Variants in GALNT18 observed in about 807,000 individuals in gnomAD.
GALNT18 encodes GalNAc-transferase 18.
A neutral mutation model predicts 69.5 loss-of-function variants in GALNT18; 44 were observed. That is an observed-to-expected ratio of 0.63 (90% CI 0.50 to 0.81). GALNT18 has a LOEUF of 0.81. Among genes scored for constraint, GALNT18 ranks in the 40% least tolerant of loss-of-function variants. The pLI is 0.00. For synonymous variants in GALNT18, 364 were observed against 318.2 expected, an observed-to-expected ratio of 1.14 and a Z score of -1.53; for missense variants, 715 against 810.0, an observed-to-expected ratio of 0.88 and a Z score of 1.42.
In GALNT18 at chr11:11,587,364, G is replaced by A. The variant is rs927032371; in HGVS notation, c.235+33995C>T. 1.3e-5 allele frequency among the ~76,000 whole-genome samples: 2 copies of A among 152,162 alleles called. No homozygotes were observed. The highest frequency in any genetic ancestry group is 2.4e-5 in the African/African-American group (1 of 41,446). On this transcript the variant is annotated intron_variant, in intron 1 of 10. Transcript: ENST00000227756. This position sits in a 1 kb window ranked among gnomAD's most constrained non-coding sequence, Gnocchi z 4.4. ...AATGCCATGATTCCCATGTCAGTAC[G>A]CCACGTATGCTGACCCCATCAGCAA...
rs1472358686 is a variant in GALNT18 at position 11,586,819 on chromosome 11, C to T, written c.235+34540G>A. 2.7e-5 allele frequency among the ~76,000 whole-genome samples: 2 copies of T among 73,262 alleles called. No individual in the cohort carries two copies. Among genetic ancestry groups the T allele is most frequent in the African/African-American group, 3.4e-5 (1 of 29,024 alleles). The allele number at this position is 73,262 out of a possible 152,430, so 48.1% of individuals were successfully genotyped here. On this transcript the variant is annotated intron_variant, in intron 1 of 10. Coordinates refer to ENST00000227756, the MANE Select transcript of GALNT18 (RefSeq NM_198516.3). This position sits in a 1 kb window ranked among gnomAD's most constrained non-coding sequence, Gnocchi z 4.1. ...TTAAACACCATCTCTACTAAAAACACACACACACACACACAAAAAAAAGCC... is the reference window on the plus strand; with the variant it reads ...TTAAACACCATCTCTACTAAAAACATACACACACACACACAAAAAAAAGCC...
At chr11:11,329,710 G>T (rs1322174944) in intron 8 of GALNT18, among the ~76,000 whole-genome samples, 1 of 152,146 alleles carries the variant, frequency 6.6e-6, no homozygotes, top group Non-Finnish European at 1.5e-5. Flanking sequence ...TACAGGCCAG[G>T]CACAAAGGAG....
chr11:11,348,980 C>T (rs1162345214), intron 6 of GALNT18, among the ~76,000 whole-genome samples: 1 of 152,168 alleles, frequency 6.6e-6, no homozygotes, highest in African/African-American at 2.4e-5. Flanking sequence ...TTAGAAACCT[C>T]TGAGTGCTTT....
At chr11:11,518,919 G>A (rs1265068336) in intron 1 of GALNT18, among the ~76,000 whole-genome samples, 2 of 152,208 alleles carry the variant, frequency 1.3e-5, no homozygotes, top group Non-Finnish European at 2.9e-5. Flanking sequence ...AGCACTGCCA[G>A]GCTTCTTCTG....
At chr11:11,381,265 T>C (rs1853911016) in intron 3 of GALNT18, among the ~76,000 whole-genome samples, 1 of 152,170 alleles carries the variant, frequency 6.6e-6, no homozygotes, top group Non-Finnish European at 1.5e-5. Flanking sequence ...TAAATAGAGC[T>C]CATAAAGTCT....
intron 1 of GALNT18, among the ~76,000 whole-genome samples, chr11:11,474,835 A>G (rs1283276437): frequency 6.6e-6 from 1 of 152,238 alleles, no homozygotes; most frequent in African/African-American, 2.4e-5. Flanking sequence ...GAGATAACAT[A>G]TATGTATACA....
At position 11,337,961 on chromosome 11, in the gene GALNT18, A is replaced by ATTTT. The variant is rs11351706; in HGVS notation, c.1278+2854_1278+2857dup. On this transcript the variant is annotated intron_variant, in intron 7 of 10. Coordinates refer to ENST00000227756, the MANE Select transcript of GALNT18 (RefSeq NM_198516.3). The surrounding 1 kb of genome is among the most constrained non-coding windows in gnomAD (Gnocchi z 4.9). Reference sequence around the variant, plus strand: ...TGTACATAGCAGGAGTCATTTAAAGATTTTTTTTTTTTTTTTTTTTTTGAG... The same window carrying ATTTT: ...TGTACATAGCAGGAGTCATTTAAAGATTTTTTTTTTTTTTTTTTTTTTTTTTGAG... Among the ~76,000 whole-genome samples, 492 of 118,794 alleles carry ATTTT rather than the reference A, an allele frequency of 4.1e-3. 4 individuals carry two copies. Among genetic ancestry groups the ATTTT allele is most frequent in the African/African-American group, 0.015 (454 of 30,490 alleles). 77.9% of individuals were successfully genotyped at this position (118,794 alleles called of 152,430 possible). A position where few individuals can be genotyped will look rare whatever the true frequency, so the allele number is the denominator to read the frequency against.
chr11:11,519,592 C>T (rs1857351229), intron 1 of GALNT18, among the ~76,000 whole-genome samples: 1 of 152,200 alleles, frequency 6.6e-6, no homozygotes, highest in Admixed American at 6.5e-5. Flanking sequence ...CCATATGGGC[C>T]AGCCAGGGAA....
intron 3 of GALNT18, among the ~76,000 whole-genome samples, chr11:11,425,703 G>C (rs1855113090): frequency 6.6e-6 from 1 of 152,126 alleles, no homozygotes; most frequent in Non-Finnish European, 1.5e-5. Flanking sequence ...GAACCTGAAA[G>C]AGTTCACGTT....
At chr11:11,297,343 G>C (rs141639235) in intron 9 of GALNT18, among the ~76,000 whole-genome samples, 1 of 152,330 alleles carries the variant, frequency 6.6e-6, no homozygotes, top group African/African-American at 2.4e-5. Flanking sequence ...AATAACTCAT[G>C]AGGCAGGTAC....
chr11:11,340,841 A>G lies in GALNT18; in HGVS notation c.1256T>C (p.Met419Thr). Residue 419 changes from methionine to threonine, a missense_variant, in exon 7 of 11, where the codon ATG (methionine) becomes ACG (threonine). By Grantham distance (81) the Met-to-Thr change is moderately conservative. Transcript: ENST00000227756. This position sits in a 1 kb window ranked among gnomAD's most constrained non-coding sequence, Gnocchi z 4.2. ...TACCTCCTGCGGTATGTTCCATGCC[A>G]TGTAGACGTGGCTTTTAAATTCATC... The part of the protein sequence containing the change: ...WMDEFKSHVY[M>T]AWNIPQEDSG... 1 of 1,613,620 alleles carries G rather than the reference A, an allele frequency of 6.2e-7. No homozygotes were observed. The highest frequency in any genetic ancestry group is 1.1e-5 in the South Asian group (1 of 90,938).
At chr11:11,390,596 T>C (rs946379363) in intron 3 of GALNT18, among the ~76,000 whole-genome samples, 1 of 152,180 alleles carries the variant, frequency 6.6e-6, no homozygotes, top group Non-Finnish European at 1.5e-5. Flanking sequence ...CCTGGCTGAT[T>C]CATGACTCAG....
rs1039025251 is a variant in GALNT18, at chr11:11,562,633, C to G, written c.235+58726G>C. On this transcript the variant is annotated intron_variant, in intron 1 of 10. Transcript: ENST00000227756. The surrounding 1 kb of genome is among the most constrained non-coding windows in gnomAD (Gnocchi z 4.1). ...CCCATGGCACAGCACAATTTCAAGG[C>G]CCCACATGGACGTCTGCAAATAGCA... 2.6e-5 allele frequency among the ~76,000 whole-genome samples: 4 copies of G among 152,148 alleles called. No individual in the cohort carries two copies. The highest frequency in any genetic ancestry group is 5.9e-5 in the Non-Finnish European group (4 of 68,028).
rs1275398633 is a variant in GALNT18, at chr11:11,619,425, T to C, written c.235+1934A>G. ...TTCCTTTCAACTTCAACATCATGCT[T>C]TTCCATGTGGAACCTTAGAAATCAT... On this transcript the variant is annotated intron_variant, in intron 1 of 10. Transcript: ENST00000227756. The surrounding 1 kb of genome is among the most constrained non-coding windows in gnomAD (Gnocchi z 4.9). 2.0e-5 allele frequency among the ~76,000 whole-genome samples: 3 copies of C among 152,184 alleles called. No homozygotes were observed.
rs533707697 is a variant in GALNT18, at chr11:11,479,032, T to C, written c.236-30096A>G. ...GCCAATGGCCCTGCGTCTTGGGCTC[T>C]GGAAAAACTGTCCATGCCCTTGGCT... On this transcript the variant is annotated intron_variant, in intron 1 of 10. Transcript: ENST00000227756. Among the ~76,000 whole-genome samples, 28 of 152,336 alleles carry C rather than the reference T, an allele frequency of 1.8e-4. No homozygotes were observed. In the South Asian group the frequency reaches 5.6e-3, roughly 30 times the overall value.
At chr11:11,513,186 G>C (rs561575873) in intron 1 of GALNT18, among the ~76,000 whole-genome samples, 23 of 152,308 alleles carry the variant, frequency 1.5e-4, no homozygotes, top group African/African-American at 4.8e-4. Context: ...CTCACTCCCT[G>C]TGTGACCTTA....
intron 1 of GALNT18, among the ~76,000 whole-genome samples, chr11:11,537,847 C>T (rs189985065): frequency 1.3e-5 from 2 of 152,172 alleles, no homozygotes; most frequent in African/African-American, 4.8e-5. Context: ...ATTCTCTGCC[C>T]TAAAAATCTG....
chr11:11,380,101 A>AGT (rs1853873281), intron 3 of GALNT18, among the ~76,000 whole-genome samples: 1 of 152,220 alleles, frequency 6.6e-6, no homozygotes, highest in Admixed American at 6.5e-5. Context: ...TGCCCTGATG[A>AGT]GTGATCATGC....
At chr11:11,609,583 T>C (rs930796101) in intron 1 of GALNT18, among the ~76,000 whole-genome samples, 2 of 152,186 alleles carry the variant, frequency 1.3e-5, no homozygotes, top group African/African-American at 4.8e-5. Flanking sequence ...TCTGAGCACA[T>C]ACCAAAAGAA....
Sources: gnomAD v4.1 joint callset for allele counts (sites outside exome capture counted in the v4.1 genomes callset) on GRCh38, gnomAD v4.1.1 for gene constraint, Gnocchi (gnomAD v3.1) non-coding constraint, MANE v1.5 for transcripts, NCBI Gene and HGNC (gene_info 2026-07-23, HGNC 2026-07-21) for gene names.